Variants in CTNNA2 observed in about 807,000 individuals in gnomAD.
CTNNA2 encodes catenin alpha 2, also known as catenin alpha-2.
A neutral mutation model predicts 101.0 loss-of-function variants in CTNNA2; 42 were observed. The ratio of observed to expected loss-of-function variants is 0.42; its 90% CI spans 0.32 to 0.54. The LOEUF (loss-of-function observed/expected upper bound fraction) is 0.54. CTNNA2 is among the 20% of genes least tolerant of loss of function. The pLI is 0.14. For missense variants in CTNNA2, 871 were observed against 1,223.1 expected, an observed-to-expected ratio of 0.71 and a Z score of 4.29; for synonymous variants, 450 against 456.4, an observed-to-expected ratio of 0.99 and a Z score of 0.18.
At chr2:79,338,626 T>C (rs557444131) in intron 3 of CTNNA2, among the ~76,000 whole-genome samples, 1 of 150,556 alleles carries the variant, frequency 6.6e-6, no homozygotes, top group South Asian at 2.1e-4. Flanking sequence ...CTTCTTCTTC[T>C]TCTTCTTCTT....
intron 2 of CTNNA2, among the ~76,000 whole-genome samples, chr2:79,742,294 A>G (rs1253584728): frequency 1.3e-5 from 2 of 152,064 alleles, no homozygotes; most frequent in African/African-American, 4.8e-5. Flanking sequence ...TGAAATGTCA[A>G]TTTATCTAAA....
At chr2:79,750,325 G>T (rs980508701) in intron 3 of CTNNA2, among the ~76,000 whole-genome samples, 2 of 152,114 alleles carry the variant, frequency 1.3e-5, no homozygotes, top group Non-Finnish European at 1.5e-5. Context: ...TTATGTCCAG[G>T]CCTCACCCCT....
chr2:79,528,310 C>T (rs2103915681), intron 1 of CTNNA2, among the ~76,000 whole-genome samples: 1 of 152,042 alleles, frequency 6.6e-6, no homozygotes, highest in Admixed American at 6.6e-5. Flanking sequence ...CTCCTAGACA[C>T]ACACGATCCT....
intron 7 of CTNNA2, among the ~76,000 whole-genome samples, chr2:80,017,332 TAA>T (rs1694222421): frequency 6.6e-6 from 1 of 151,966 alleles, no homozygotes; most frequent in Admixed American, 6.6e-5. Flanking sequence ...GTGAATATAA[TAA>T]AAGAGTAAAA....
At chr2:79,564,619 C>T (rs1191903850) in intron 1 of CTNNA2, among the ~76,000 whole-genome samples, 1 of 152,172 alleles carries the variant, frequency 6.6e-6, no homozygotes, top group Non-Finnish European at 1.5e-5. Context: ...TTAATTCACA[C>T]CTTTTCACAC....
At chr2:80,474,706 C>G (rs1243931295) in intron 9 of CTNNA2, among the ~76,000 whole-genome samples, 1 of 152,062 alleles carries the variant, frequency 6.6e-6, no homozygotes, top group Admixed American at 6.6e-5. Flanking sequence ...GCCATGAATT[C>G]TCTGTTATTA....
At chr2:80,362,074 A>G (rs1052565057) in intron 7 of CTNNA2, among the ~76,000 whole-genome samples, 10 of 152,146 alleles carry the variant, frequency 6.6e-5, no homozygotes, top group Non-Finnish European at 8.8e-5. Context: ...CTTTGTCTCA[A>G]AGAAAAACAA....
At chr2:79,655,479 T>C (rs1681544629) in intron 2 of CTNNA2, among the ~76,000 whole-genome samples, 2 of 152,306 alleles carry the variant, frequency 1.3e-5, no homozygotes, top group South Asian at 4.1e-4. Context: ...TATGTACTTA[T>C]ATTTTACCCT....
intron 7 of CTNNA2, among the ~76,000 whole-genome samples, chr2:80,090,099 G>T (rs530653483): frequency 1.3e-5 from 2 of 151,724 alleles, no homozygotes; most frequent in Non-Finnish European, 2.9e-5. Flanking sequence ...TATAGAGATG[G>T]TGGTGACCAT....
At chr2:80,396,248 A>G (rs1428618681) in intron 8 of CTNNA2, among the ~76,000 whole-genome samples, 2 of 152,246 alleles carry the variant, frequency 1.3e-5, no homozygotes, top group Non-Finnish European at 2.9e-5. Flanking sequence ...CAAAGGTACC[A>G]TTTAAAACTG....
intron 7 of CTNNA2, among the ~76,000 whole-genome samples, chr2:80,382,361 A>T (rs1249024080): frequency 4.9e-5 from 4 of 81,358 alleles, no homozygotes; most frequent in African/African-American, 2.0e-4. Flanking sequence ...TTAATTGGAT[A>T]AAAAAAAAAA....
chr2:79,973,952 GTTTGT>G (rs34034577), intron 7 of CTNNA2, among the ~76,000 whole-genome samples: 1 of 151,362 alleles, frequency 6.6e-6, no homozygotes, highest in South Asian at 2.1e-4. Context: ...TTGTTTGTTT[GTTTGT>G]TTTGTTTTGT....
At chr2:79,896,201 T>G (rs771085384) in intron 6 of CTNNA2, among the ~76,000 whole-genome samples, 1 of 152,056 alleles carries the variant, frequency 6.6e-6, no homozygotes, top group Non-Finnish European at 1.5e-5. Flanking sequence ...AAGGATCACT[T>G]GAGCCTGGCA....
At chr2:79,468,191 G>A (rs577575782) in intron 4 of CTNNA2, among the ~76,000 whole-genome samples, 12 of 152,054 alleles carry the variant, frequency 7.9e-5, no homozygotes, top group South Asian at 4.2e-4. Flanking sequence ...AAGATCTACC[G>A]AGCAAATGGA....
intron 3 of CTNNA2, among the ~76,000 whole-genome samples, chr2:79,354,044 G>T (rs1473195599): frequency 6.6e-6 from 1 of 152,058 alleles, no homozygotes; most frequent in Non-Finnish European, 1.5e-5. Context: ...GAAGTCCTAT[G>T]CTAGACTGTT....
chr2:79,317,528 A>G (rs941733721), intron 3 of CTNNA2, among the ~76,000 whole-genome samples: 36 of 152,038 alleles, frequency 2.4e-4, no homozygotes, highest in African/African-American at 8.7e-4. Flanking sequence ...AACTCGATAA[A>G]TGTGGGATGA....
At chr2:79,506,831 C>T (rs1671423478) in intron 5 of CTNNA2, among the ~76,000 whole-genome samples, 2 of 152,154 alleles carry the variant, frequency 1.3e-5, no homozygotes, top group Non-Finnish European at 2.9e-5. Flanking sequence ...TTGCCAGGCA[C>T]ATGGTGGTTT....
chr2:80,421,425 T>C (rs1680515900), intron 9 of CTNNA2, among the ~76,000 whole-genome samples: 1 of 152,170 alleles, frequency 6.6e-6, no homozygotes, highest in East Asian at 1.9e-4. Flanking sequence ...ATTTCAAACT[T>C]AACATCTTGT....
At chr2:79,334,170 A>G (rs779776771) in intron 3 of CTNNA2, among the ~76,000 whole-genome samples, 28 of 152,168 alleles carry the variant, frequency 1.8e-4, no homozygotes, top group Non-Finnish European at 3.5e-4. Flanking sequence ...GCTGCAGAAC[A>G]CTAGAACTTA....
Sources: gnomAD v4.1 joint callset for allele counts (sites outside exome capture counted in the v4.1 genomes callset) on GRCh38, gnomAD v4.1.1 for gene constraint, MANE v1.5 for transcripts, NCBI Gene and HGNC (gene_info 2026-07-23, HGNC 2026-07-21) for gene names.